Variants in EML6 observed in about 807,000 individuals in gnomAD.
The protein encoded by EML6 is EMAP like 6, also known as echinoderm microtubule-associated protein-like 6.
A neutral mutation model predicts 240.1 loss-of-function variants in EML6; 154 were observed. That is an observed-to-expected ratio of 0.64 (90% CI 0.56 to 0.73). The LOEUF (loss-of-function observed/expected upper bound fraction) is 0.73, where lower values mean the gene tolerates loss of function less well. Among genes scored for constraint, EML6 ranks in the 30% least tolerant of loss-of-function variants. The pLI is 0.00. For synonymous variants in EML6, 1,148 were observed against 899.0 expected, an observed-to-expected ratio of 1.28 and a Z score of -4.95; for missense variants, 2,964 against 2,474.6, an observed-to-expected ratio of 1.20 and a Z score of -4.20.
chr2:54,891,032 A>AT lies in EML6; in HGVS notation c.2439-19dup, dbSNP rs1317790236. The AT allele has an allele frequency of 4.2e-6, 5 of 1,197,594 alleles. No homozygotes were observed. In the Admixed American group the frequency reaches 1.1e-4, roughly 26 times the overall value. The allele number at this position is 1,197,594 out of a possible 1,614,324, so 74.2% of individuals were successfully genotyped here. On this transcript the variant is annotated intron_variant, in intron 17 of 41. Transcript: ENST00000356458. ...CTGCTTCCATCCAAACTAGAATCTT[A>AT]TTTCCTATTTGTCTCTTACAGAGGA... is the stretch of plus-strand genomic sequence containing the variant.
intron 2 of EML6, among the ~76,000 whole-genome samples, chr2:54,751,622 T>C (rs978279973): frequency 2.0e-5 from 3 of 152,200 alleles, no homozygotes; most frequent in African/African-American, 4.8e-5. Flanking sequence ...TATCAAACTT[T>C]AGACAGATTT....
At chr2:54,870,005 A>G (rs1671169689) in intron 15 of EML6, among the ~76,000 whole-genome samples, 1 of 152,138 alleles carries the variant, frequency 6.6e-6, no homozygotes, top group Admixed American at 6.6e-5. Context: ...AATATTGTCA[A>G]AAGTATTTTT....
intron 2 of EML6, among the ~76,000 whole-genome samples, chr2:54,783,408 C>G (rs531216023): frequency 3.9e-5 from 6 of 152,290 alleles, no homozygotes; most frequent in Non-Finnish European, 8.8e-5. Context: ...TTCAGAACAT[C>G]ACAAATTGTT....
chr2:54,910,882 A>C (rs942890767), intron 24 of EML6, 72 bp from the exon 25 acceptor site: 4 of 730,388 alleles, frequency 5.5e-6, no homozygotes, highest in African/African-American at 5.3e-5. Context: ...AATAGCACCC[A>C]TGCTTCTCAT....
chr2:54,942,908 C>A (rs1454381347), intron 28 of EML6, among the ~76,000 whole-genome samples: 1 of 152,154 alleles, frequency 6.6e-6, no homozygotes, highest in Non-Finnish European at 1.5e-5. Context: ...ACTTTTTGTG[C>A]CTACCCAAAT....
chr2:54,737,715 A>T (rs1683459797), intron 2 of EML6, among the ~76,000 whole-genome samples: 1 of 152,172 alleles, frequency 6.6e-6, no homozygotes, highest in African/African-American at 2.4e-5. Context: ...ACAATAAGTA[A>T]TTGCAGTCTT....
At chr2:54,852,240 C>G (rs1670130662) in intron 10 of EML6, among the ~76,000 whole-genome samples, 1 of 152,128 alleles carries the variant, frequency 6.6e-6, no homozygotes, top group Non-Finnish European at 1.5e-5. Context: ...ATTCATCTGA[C>G]TTACATAATA....
intron 2 of EML6, among the ~76,000 whole-genome samples, chr2:54,809,288 G>T (rs1243244294): frequency 1.3e-5 from 2 of 152,180 alleles, no homozygotes; most frequent in African/African-American, 4.8e-5. Flanking sequence ...CATACTTCCA[G>T]TCATAACATG....
intron 5 of EML6, among the ~76,000 whole-genome samples, chr2:54,823,956 C>A (rs970180881): frequency 6.7e-6 from 1 of 149,392 alleles, no homozygotes; most frequent in African/African-American, 2.5e-5. Context: ...AGTATGGAAC[C>A]CAGTAGGGGC....
At chr2:54,861,252 C>T (rs1670657583) in intron 12 of EML6, among the ~76,000 whole-genome samples, 1 of 152,202 alleles carries the variant, frequency 6.6e-6, no homozygotes, top group South Asian at 2.1e-4. Flanking sequence ...TTTGGTCATA[C>T]ACCAAGTGCC....
At chr2:54,923,278 A>G (rs1205551372) in intron 26 of EML6, among the ~76,000 whole-genome samples, 1 of 151,598 alleles carries the variant, frequency 6.6e-6, no homozygotes, top group Non-Finnish European at 1.5e-5. Context: ...AGTTCTGGGG[A>G]TCTGATGTAG....
At chr2:54,964,218 T>C in intron 37 of EML6, 60 bp downstream of exon 37, 1 of 1,492,564 alleles carries the variant, frequency 6.7e-7, no homozygotes. Context: ...TTACCAGTGG[T>C]TCCCATTCCA....
chr2:54,874,807 A>G (rs7568993), intron 16 of EML6, among the ~76,000 whole-genome samples: 6,630 of 152,198 alleles, frequency 0.044, 489 homozygotes, highest in African/African-American at 0.15. Flanking sequence ...TGTTTTAATA[A>G]TATAGTTTGA....
rs562053270 is a variant in EML6 at position 54,942,868 on chromosome 2, T to G, written c.4005-6014T>G. ...ATAAGTGCCTAGACACCTTCATTTT[T>G]CCCCAAGTTCATCAGCCCTTCCTGG... On this transcript the variant is annotated intron_variant, in intron 28 of 41. Coordinates refer to ENST00000356458, the MANE Select transcript of EML6 (RefSeq NM_001039753.4). Among the ~76,000 whole-genome samples, 10 of 152,314 alleles carry G rather than the reference T, an allele frequency of 6.6e-5. 1 individual carries two copies. In the South Asian group the frequency reaches 2.1e-3, roughly 32 times the overall value.
chr2:54,816,589 T>G (rs1381357160), intron 3 of EML6, among the ~76,000 whole-genome samples, 198 bp from the exon 4 acceptor site: 1 of 152,236 alleles, frequency 6.6e-6, no homozygotes, highest in Non-Finnish European at 1.5e-5. Context: ...GCTCTTAGGT[T>G]CTTGAAATTT....
At chr2:54,825,105 C>A (rs1668524153) in intron 5 of EML6, among the ~76,000 whole-genome samples, 1 of 152,136 alleles carries the variant, frequency 6.6e-6, no homozygotes, top group Non-Finnish European at 1.5e-5. Context: ...ATAATGGGTT[C>A]TATTTTTTGT....
intron 25 of EML6, among the ~76,000 whole-genome samples, chr2:54,912,447 C>G (rs958768499): frequency 2.6e-5 from 4 of 152,096 alleles, no homozygotes; most frequent in South Asian, 2.1e-4. Flanking sequence ...GGGATACATG[C>G]ATAGGTTTGT....
intron 24 of EML6, among the ~76,000 whole-genome samples, chr2:54,908,560 G>A (rs1013187424): frequency 5.3e-5 from 8 of 152,154 alleles, no homozygotes; most frequent in Non-Finnish European, 1.0e-4. Flanking sequence ...ACTAGAAAAC[G>A]CACAGGAACC....
chr2:54,759,485 T>C (rs1393753468), intron 2 of EML6, among the ~76,000 whole-genome samples: 1 of 152,134 alleles, frequency 6.6e-6, no homozygotes, highest in Non-Finnish European at 1.5e-5. Context: ...TATTTGCTAA[T>C]ATTTATTGAA....
Sources: allele counts gnomAD v4.1 joint callset (sites outside exome capture counted in the v4.1 genomes callset), GRCh38; gene constraint gnomAD v4.1.1; transcripts MANE v1.5; gene names NCBI Gene and HGNC (gene_info 2026-07-23, HGNC 2026-07-21).